GJB7: variants seen among roughly 807,000 people sequenced by gnomAD.
GJB7 encodes gap junction beta-7 protein.
For synonymous variants in GJB7, 87 were observed against 95.2 expected, an observed-to-expected ratio of 0.91 and a Z score of 0.50; for missense variants, 253 against 256.8, an observed-to-expected ratio of 0.99 and a Z score of 0.10.
chr6:87,299,664 T>C, intron 2 of GJB7: 1 of 178,110 alleles, frequency 5.6e-6, no homozygotes, highest in Admixed American at 6.1e-5. Flanking sequence ...CTCCAGATTT[T>C]GGTGACAACA....
At chr6:87,319,285 G>A (rs1025054355) in intron 2 of GJB7, among the ~76,000 whole-genome samples, 3 of 152,136 alleles carry the variant, frequency 2.0e-5, no homozygotes, top group Admixed American at 6.5e-5. Context: ...GACTAAACAC[G>A]TCCTATCATT....
chr6:87,289,848 A>G (rs1430288176), intron 2 of GJB7, among the ~76,000 whole-genome samples: 1 of 152,194 alleles, frequency 6.6e-6, no homozygotes, highest in Non-Finnish European at 1.5e-5. Context: ...AGGCAAGGCT[A>G]CCTGCATAAA....
intron 2 of GJB7, among the ~76,000 whole-genome samples, chr6:87,307,201 C>G (rs1242510540): frequency 7.0e-6 from 1 of 143,272 alleles, no homozygotes; most frequent in African/African-American, 2.6e-5. Context: ...AAATTTTTAG[C>G]CAAAAAAAAA....
At chr6:87,314,512 C>T (rs894303376) in intron 2 of GJB7, among the ~76,000 whole-genome samples, 6 of 152,196 alleles carry the variant, frequency 3.9e-5, no homozygotes, top group Admixed American at 2.0e-4. Flanking sequence ...GTTTCTGTAA[C>T]CCTGGGTGCT....
chr6:87,320,171 T>C (rs1325141009), intron 2 of GJB7, among the ~76,000 whole-genome samples: 3 of 152,144 alleles, frequency 2.0e-5, no homozygotes, highest in Non-Finnish European at 2.9e-5. Context: ...AAGGGTATAA[T>C]TGGAATGTTT....
chr6:87,312,235 C>T (rs997264600), intron 2 of GJB7, among the ~76,000 whole-genome samples: 10 of 151,892 alleles, frequency 6.6e-5, no homozygotes, highest in Non-Finnish European at 1.3e-4. Context: ...GTGGTCGGGC[C>T]GGGTGCAGTG....
chr6:87,320,143 G>T (rs1776634498), intron 2 of GJB7, among the ~76,000 whole-genome samples: 1 of 151,986 alleles, frequency 6.6e-6, no homozygotes, highest in Non-Finnish European at 1.5e-5. Flanking sequence ...ATAGTTGATT[G>T]TACATTTAAA....
chr6:87,289,943 G>A (rs111750860), intron 2 of GJB7, among the ~76,000 whole-genome samples: 32 of 152,272 alleles, frequency 2.1e-4, no homozygotes, highest in African/African-American at 7.0e-4. Flanking sequence ...ACTTGTGTTC[G>A]AGGAGCACTG....
intron 1 of GJB7, among the ~76,000 whole-genome samples, chr6:87,326,187 A>G (rs922510131): frequency 1.3e-5 from 2 of 152,236 alleles, no homozygotes; most frequent in South Asian, 2.1e-4. Context: ...CTAGCGGTCT[A>G]TCAATTTTGT....
intron 2 of GJB7, among the ~76,000 whole-genome samples, chr6:87,297,001 G>T (rs1776256229): frequency 6.6e-6 from 1 of 152,224 alleles, no homozygotes; most frequent in Admixed American, 6.5e-5. Flanking sequence ...GGCCTGGGCA[G>T]TATGTTCTCA....
At chr6:87,286,825 A>G (rs1303860508) in intron 2 of GJB7, among the ~76,000 whole-genome samples, 1 of 152,150 alleles carries the variant, frequency 6.6e-6, no homozygotes, top group Non-Finnish European at 1.5e-5. Flanking sequence ...TATTCTTGCA[A>G]ATGAAAAGGC....
intron 2 of GJB7, among the ~76,000 whole-genome samples, chr6:87,308,024 C>T (rs1668373981): frequency 6.6e-6 from 1 of 152,162 alleles, no homozygotes; most frequent in Non-Finnish European, 1.5e-5. Flanking sequence ...GGCACATATA[C>T]ACTATGGAAT....
intron 2 of GJB7, among the ~76,000 whole-genome samples, chr6:87,296,092 T>C (rs1776246145): frequency 6.6e-6 from 1 of 152,214 alleles, no homozygotes; most frequent in South Asian, 2.1e-4. Context: ...TCAGAAAACA[T>C]TTAGAGCCAA....
chr6:87,295,640 A>G (rs1364885312), intron 2 of GJB7, among the ~76,000 whole-genome samples: 2 of 152,156 alleles, frequency 1.3e-5, no homozygotes, highest in Non-Finnish European at 2.9e-5. Context: ...TCAAATGAAA[A>G]TGTGAGTCTT....
At chr6:87,307,753 T>C (rs914792064) in intron 2 of GJB7, among the ~76,000 whole-genome samples, 10 of 152,066 alleles carry the variant, frequency 6.6e-5, no homozygotes, top group African/African-American at 2.4e-4. Flanking sequence ...TGTGGAGAAA[T>C]AGGAACACTT....
chr6:87,285,939 T>G (rs1776052500), intron 2 of GJB7, among the ~76,000 whole-genome samples: 1 of 152,210 alleles, frequency 6.6e-6, no homozygotes, highest in South Asian at 2.1e-4. Context: ...TTATGTAATT[T>G]TCCTGTGACA....
chr6:87,299,131 G>T, intron 2 of GJB7: 1 of 471,584 alleles, frequency 2.1e-6, no homozygotes. Flanking sequence ...CTTTTGCCAA[G>T]AAAGGCTTTG....
chr6:87,291,577 C>T (rs984084411), intron 2 of GJB7, among the ~76,000 whole-genome samples: 7 of 152,218 alleles, frequency 4.6e-5, no homozygotes, highest in Admixed American at 2.0e-4. Flanking sequence ...TCAGCCCTCA[C>T]ACTTTTTGCT....
chr6:87,288,684 G>A (rs566426854), intron 2 of GJB7, among the ~76,000 whole-genome samples: 9 of 152,226 alleles, frequency 5.9e-5, no homozygotes, highest in East Asian at 1.9e-4. Context: ...ACCACCATCC[G>A]CCCAAGTGTT....
Sources: gnomAD v4.1 joint callset for allele counts (sites outside exome capture counted in the v4.1 genomes callset) on GRCh38, gnomAD v4.1.1 for gene constraint, MANE v1.5 for transcripts, NCBI Gene and HGNC (gene_info 2026-07-23, HGNC 2026-07-21) for gene names.